The following SCMH1 variants were observed in gnomAD, a reference collection of about 807,000 sequenced individuals.
The protein encoded by SCMH1 is polycomb protein SCMH1.
In SCMH1, 37 loss-of-function variants were observed where a neutral mutation model predicts 70.8. The observed-to-expected ratio is 0.52, with a 90% CI of 0.40 to 0.69. SCMH1 has a LOEUF of 0.69. SCMH1 is among the 30% of genes least tolerant of loss of function. The probability of loss-of-function intolerance (pLI) is 0.00; values close to 1 mark genes in which losing one functional copy is unlikely to be tolerated. For synonymous variants in SCMH1, 292 were observed against 307.4 expected, an observed-to-expected ratio of 0.95 and a Z score of 0.52; for missense variants, 607 against 827.3, an observed-to-expected ratio of 0.73 and a Z score of 3.27.
chr1:41,221,734 A>C (rs1171804197), intron 1 of SCMH1, among the ~76,000 whole-genome samples: 2 of 150,028 alleles, frequency 1.3e-5, no homozygotes, highest in Non-Finnish European at 3.0e-5. Context: ...CTAAAAATAC[A>C]AAAAAAAATT....
intron 1 of SCMH1, among the ~76,000 whole-genome samples, chr1:41,212,690 T>A (rs1226935050): frequency 6.6e-6 from 1 of 152,100 alleles, no homozygotes; most frequent in Non-Finnish European, 1.5e-5. Flanking sequence ...CAAGAAACGG[T>A]CATGATAGAA....
intron 6 of SCMH1, among the ~76,000 whole-genome samples, chr1:41,118,368 C>T (rs1325457071): frequency 6.6e-6 from 1 of 152,068 alleles, no homozygotes; most frequent in African/African-American, 2.4e-5. Context: ...ATAGGATTAA[C>T]GAATACTTAG....
chr1:41,037,262 G>A, intron 13 of SCMH1, 100 bp downstream of exon 13: 1 of 1,227,502 alleles, frequency 8.1e-7, no homozygotes, highest in South Asian at 1.4e-5. Context: ...ACCAGGCAGA[G>A]GGCAACAGAG....
chr1:41,191,824 A>G (rs1651783375), intron 1 of SCMH1, among the ~76,000 whole-genome samples: 1 of 152,192 alleles, frequency 6.6e-6, no homozygotes, highest in East Asian at 1.9e-4. Flanking sequence ...CAGTCCTCTT[A>G]GGGAGACAGA....
At chr1:41,107,974 C>T (rs570594) in intron 8 of SCMH1, among the ~76,000 whole-genome samples, 139,509 of 152,316 alleles carry the variant, frequency 0.92, 64,078 homozygotes, top group East Asian at 1. Context: ...AGTTTTGTTT[C>T]TAAGCATCAA....
At chr1:41,127,629 C>A (rs1251647746) in intron 6 of SCMH1, among the ~76,000 whole-genome samples, 1 of 152,098 alleles carries the variant, frequency 6.6e-6, no homozygotes, top group Non-Finnish European at 1.5e-5. Context: ...GAATCTCCAT[C>A]CCCCAAATTA....
intron 2 of SCMH1, among the ~76,000 whole-genome samples, chr1:41,169,455 T>C (rs961924527): frequency 3.3e-5 from 5 of 152,152 alleles, no homozygotes; most frequent in Admixed American, 3.3e-4. Context: ...CTGAAGGTAT[T>C]TGTATACCTA....
intron 1 of SCMH1, among the ~76,000 whole-genome samples, chr1:41,193,371 G>T (rs143967036): frequency 3.3e-5 from 5 of 152,278 alleles, no homozygotes; most frequent in Admixed American, 6.5e-5. Flanking sequence ...ACAAATAAGT[G>T]TAAGTCCCTG....
At chr1:41,090,381 A>G (rs563117252) in intron 8 of SCMH1, among the ~76,000 whole-genome samples, 1 of 152,318 alleles carries the variant, frequency 6.6e-6, no homozygotes, top group East Asian at 1.9e-4. Flanking sequence ...TTAGATGCTC[A>G]TATCTGCTTC....
At chr1:41,207,521 G>C (rs1376235984) in intron 1 of SCMH1, among the ~76,000 whole-genome samples, 1 of 152,172 alleles carries the variant, frequency 6.6e-6, no homozygotes, top group Non-Finnish European at 1.5e-5. Context: ...TCCAATACAG[G>C]AGCACCCAGA....
chr1:41,164,127 A>C (rs555003795), intron 2 of SCMH1, among the ~76,000 whole-genome samples: 1 of 152,110 alleles, frequency 6.6e-6, no homozygotes, highest in East Asian at 1.9e-4. Context: ...AAACACTCTT[A>C]ATTCCTCCTT....
At chr1:41,103,827 A>G (rs1165957847) in intron 8 of SCMH1, among the ~76,000 whole-genome samples, 1 of 152,066 alleles carries the variant, frequency 6.6e-6, no homozygotes, top group Non-Finnish European at 1.5e-5. Context: ...ATGGAATGGG[A>G]GTTTTTTTTT....
intron 13 of SCMH1, among the ~76,000 whole-genome samples, chr1:41,033,548 CA>C (rs750311331): frequency 3.9e-5 from 6 of 152,082 alleles, no homozygotes; most frequent in Non-Finnish European, 5.9e-5. Flanking sequence ...CAGCCTATGG[CA>C]AAGCTCTCCC....
rs1180809578 is a variant in SCMH1, at chr1:41,113,895, A to G, written c.502-369T>C. 6.6e-6 allele frequency among the ~76,000 whole-genome samples: 1 copy of G among 152,100 alleles called. No homozygotes were observed. The highest frequency in any genetic ancestry group is 2.4e-5 in the African/African-American group (1 of 41,414). On this transcript the variant is annotated intron_variant, in intron 7 of 14. Coordinates refer to ENST00000337495, the Ensembl canonical transcript of SCMH1. The surrounding 1 kb of genome is among the most constrained non-coding windows in gnomAD (Gnocchi z 4.3). ...TACATACCCATTTGCCTGCTTTTAA[A>G]TTTTATATAAATGGTATTATACTGT...
At chr1:41,087,968 T>TGTGTGTGTGTGTGTG (rs1553238484) in intron 8 of SCMH1, among the ~76,000 whole-genome samples, 19 of 18,020 alleles carry the variant, frequency 1.1e-3, no homozygotes, top group Admixed American at 2.0e-3. Context: ...GTGTGTGTAT[T>TGTGTGTGTGTGTGTG]TATTTATGCA....
chr1:41,141,261 T>C (rs1467917579), intron 6 of SCMH1, among the ~76,000 whole-genome samples: 1 of 152,244 alleles, frequency 6.6e-6, no homozygotes, highest in Admixed American at 6.5e-5. Flanking sequence ...CAACCTGTTT[T>C]TGTAAATCAA....
chr1:41,107,386 T>G (rs1246253783), intron 8 of SCMH1, among the ~76,000 whole-genome samples: 1 of 151,906 alleles, frequency 6.6e-6, no homozygotes, highest in Non-Finnish European at 1.5e-5. Context: ...CATGACTTGA[T>G]AGTTAGAATT....
intron 1 of SCMH1, among the ~76,000 whole-genome samples, chr1:41,208,842 T>C (rs1402110145): frequency 6.6e-6 from 1 of 152,076 alleles, no homozygotes; most frequent in East Asian, 1.9e-4. Context: ...AGCAAACACA[T>C]TCAAAAGCTA....
chr1:41,176,994 C>A (rs1647198883), intron 2 of SCMH1, among the ~76,000 whole-genome samples: 1 of 152,180 alleles, frequency 6.6e-6, no homozygotes, highest in Admixed American at 6.5e-5. Context: ...TGGGAGGCAC[C>A]CCCCAGTAGG....
Sources: gnomAD v4.1 joint callset for allele counts (sites outside exome capture counted in the v4.1 genomes callset) on GRCh38, gnomAD v4.1.1 for gene constraint, Gnocchi (gnomAD v3.1) non-coding constraint, MANE v1.5 for transcripts, NCBI Gene and HGNC (gene_info 2026-07-23, HGNC 2026-07-21) for gene names.